Variants in CCBE1 observed in about 807,000 individuals in gnomAD.
CCBE1 encodes the protein collagen and calcium-binding EGF domain-containing protein 1.
CCBE1 carries 37 observed loss-of-function variants against 50.0 expected under a neutral mutation model. That is an observed-to-expected ratio of 0.74 (90% CI 0.57 to 0.97). The LOEUF is 0.97. CCBE1 is among the 50% of genes least tolerant of loss of function. CCBE1 has a pLI of 0.00. For missense variants in CCBE1, 538 were observed against 523.8 expected, an observed-to-expected ratio of 1.03 and a Z score of -0.26; for synonymous variants, 234 against 203.7, an observed-to-expected ratio of 1.15 and a Z score of -1.27.
chr18:59,697,426 T>C, upstream of CCBE1: 2 of 1,495,844 alleles, frequency 1.3e-6, no homozygotes. Flanking sequence ...CCGCCTTCCC[T>C]CTTCCCGGCA....
chr18:59,621,070 A>G (rs746499222), intron 2 of CCBE1, among the ~76,000 whole-genome samples: 22 of 152,218 alleles, frequency 1.4e-4, no homozygotes, highest in Non-Finnish European at 3.2e-4. Context: ...TAACCTGTCT[A>G]GAAGGCTCTG....
intron 2 of CCBE1, among the ~76,000 whole-genome samples, chr18:59,665,324 C>T (rs769139148): frequency 2.6e-5 from 4 of 152,166 alleles, no homozygotes; most frequent in Non-Finnish European, 5.9e-5. Context: ...GTATTGACTT[C>T]AGCTCTGTTC....
At chr18:59,506,131 C>T (rs1913861816) in intron 2 of CCBE1, among the ~76,000 whole-genome samples, 1 of 152,080 alleles carries the variant, frequency 6.6e-6, no homozygotes, top group African/African-American at 2.4e-5. Context: ...AGGATGGACC[C>T]TAAATCAATA....
intron 2 of CCBE1, among the ~76,000 whole-genome samples, chr18:59,624,768 G>A (rs1216227604): frequency 6.6e-6 from 1 of 152,210 alleles, no homozygotes; most frequent in African/African-American, 2.4e-5. Context: ...CATTGGCTAG[G>A]TAAGGTGATT....
In CCBE1 at chr18:59,560,385, T is replaced by G. The variant is rs62092931; in HGVS notation, c.213-80147A>C. 4.3e-3 allele frequency among the ~76,000 whole-genome samples: 650 copies of G among 152,008 alleles called. 11 individuals carry two copies. Among genetic ancestry groups the G allele is most frequent in the African/African-American group, 0.015 (619 of 41,448 alleles). Reference sequence around the variant, plus strand: ...AACACCGCATGTTCTCACTCATAAGTGGGAGTTGAACAATAAGAACACACG... The same window carrying G: ...AACACCGCATGTTCTCACTCATAAGGGGGAGTTGAACAATAAGAACACACG... On this transcript the variant is annotated intron_variant, in intron 2 of 10. Transcript: ENST00000439986.
intron 2 of CCBE1, among the ~76,000 whole-genome samples, chr18:59,650,638 C>T (rs1340804191): frequency 1.3e-5 from 2 of 151,428 alleles, no homozygotes; most frequent in African/African-American, 2.4e-5. Context: ...AAGCTCACCA[C>T]GCATTCCAGA....
At chr18:59,541,757 CTG>C (rs1164992307) in intron 2 of CCBE1, among the ~76,000 whole-genome samples, 1 of 152,126 alleles carries the variant, frequency 6.6e-6, no homozygotes, top group Non-Finnish European at 1.5e-5. Flanking sequence ...ATAACACACT[CTG>C]TGTTCAAATT....
At chr18:59,473,893 T>A (rs112572149) in intron 3 of CCBE1, among the ~76,000 whole-genome samples, 1 of 43,056 alleles carries the variant, frequency 2.3e-5, no homozygotes. Context: ...CACTATTTCC[T>A]CCCCCTACTA....
At chr18:59,696,515 G>A (rs2054805616) in intron 2 of CCBE1, 114 bp downstream of exon 2, 1 of 1,570,772 alleles carries the variant, frequency 6.4e-7, no homozygotes, top group South Asian at 1.1e-5. Context: ...GCAGGTTCCA[G>A]CGTAAAAGCT....
At chr18:59,607,402 CAT>C (rs1381862351) in intron 2 of CCBE1, among the ~76,000 whole-genome samples, 2 of 152,136 alleles carry the variant, frequency 1.3e-5, no homozygotes, top group Admixed American at 6.5e-5. Context: ...CACTATTTAC[CAT>C]TATTGTTCCA....
chr18:59,680,261 C>T (rs1316844334), intron 2 of CCBE1, among the ~76,000 whole-genome samples: 1 of 151,018 alleles, frequency 6.6e-6, no homozygotes, highest in Non-Finnish European at 1.5e-5. Context: ...AGGAGCCGAT[C>T]AGATACGCAC....
chr18:59,632,757 TTTTTATTTTATTTG>T (rs2053865802), intron 2 of CCBE1, among the ~76,000 whole-genome samples: 2 of 132,698 alleles, frequency 1.5e-5, no homozygotes. Context: ...ACCTGGCTAA[TTTTTATTTTATTTG>T]TTTTATTTTA....
At chr18:59,495,946 G>A (rs1913335993) in intron 2 of CCBE1, among the ~76,000 whole-genome samples, 1 of 152,196 alleles carries the variant, frequency 6.6e-6, no homozygotes, top group South Asian at 2.1e-4. Flanking sequence ...CCCAAGAAGA[G>A]ATGTTCCTGG....
intron 2 of CCBE1, among the ~76,000 whole-genome samples, chr18:59,525,292 C>T (rs565820794): frequency 6.6e-6 from 1 of 152,210 alleles, no homozygotes; most frequent in Non-Finnish European, 1.5e-5. Context: ...AATGGTATCT[C>T]ATTGCGGTTT....
At chr18:59,488,357 G>T (rs749669516) in intron 2 of CCBE1, among the ~76,000 whole-genome samples, 1 of 152,120 alleles carries the variant, frequency 6.6e-6, no homozygotes, top group Non-Finnish European at 1.5e-5. Context: ...AGTTATTTTT[G>T]CCACACACAC....
At chr18:59,525,059 G>A (rs564878412) in intron 2 of CCBE1, among the ~76,000 whole-genome samples, 2 of 152,272 alleles carry the variant, frequency 1.3e-5, no homozygotes, top group South Asian at 2.1e-4. Flanking sequence ...ATCTTTATAA[G>A]AGAATGATTT....
intron 2 of CCBE1, among the ~76,000 whole-genome samples, chr18:59,611,150 C>T (rs2053563961): frequency 6.6e-6 from 1 of 152,248 alleles, no homozygotes; most frequent in South Asian, 2.1e-4. Context: ...CTGCCTATTC[C>T]AATGTATGAG....
chr18:59,512,275 A>C (rs889586626), intron 2 of CCBE1, among the ~76,000 whole-genome samples: 11 of 152,202 alleles, frequency 7.2e-5, no homozygotes. Flanking sequence ...CCACCTATAG[A>C]TGGCAAAACT....
At chr18:59,619,362 C>A (rs1399039203) in intron 2 of CCBE1, among the ~76,000 whole-genome samples, 1 of 152,130 alleles carries the variant, frequency 6.6e-6, no homozygotes, top group African/African-American at 2.4e-5. Context: ...GGCTGGAGCA[C>A]AGTGACTGTT....
Sources: gnomAD v4.1 joint callset for allele counts (sites outside exome capture counted in the v4.1 genomes callset) on GRCh38, gnomAD v4.1.1 for gene constraint, MANE v1.5 for transcripts, NCBI Gene and HGNC (gene_info 2026-07-23, HGNC 2026-07-21) for gene names.